The following ADGRV1 variants were observed in gnomAD, a reference collection of about 807,000 sequenced individuals.
ADGRV1 encodes the protein adhesion G protein-coupled receptor V1, also known as G-protein coupled receptor 98.
In ADGRV1, 359 loss-of-function variants were observed where a neutral mutation model predicts 596.2. The observed-to-expected ratio is 0.60, with a 90% CI of 0.55 to 0.66. The LOEUF (loss-of-function observed/expected upper bound fraction) is 0.66. Ranked by LOEUF, ADGRV1 falls within the 30% of genes least tolerant of loss-of-function variation. ADGRV1 has a pLI of 0.00. For synonymous variants in ADGRV1, 2,681 were observed against 2,679.2 expected (o/e 1.00, Z -0.02); for missense variants, 7,274 against 7,575.6 (o/e 0.96, Z 1.48).
chr5:91,151,507 T>A (rs1002651850), intron 88 of ADGRV1, among the ~76,000 whole-genome samples: 6 of 152,208 alleles, frequency 3.9e-5, no homozygotes, highest in African/African-American at 1.2e-4. Flanking sequence ...CTAGTACGAT[T>A]TCTCTATCCC....
intron 45 of ADGRV1, 54 bp from the exon 46 acceptor site, chr5:90,724,778 A>C (rs1041405023): frequency 2.7e-6 from 4 of 1,468,716 alleles, no homozygotes; most frequent in Non-Finnish European, 3.8e-6. Context: ...AAATTAGAAT[A>C]GATAAGTTTT....
chr5:91,146,952 A>G (rs1056422835), intron 87 of ADGRV1, among the ~76,000 whole-genome samples: 4 of 152,190 alleles, frequency 2.6e-5, no homozygotes, highest in African/African-American at 9.7e-5. Context: ...TCTTGAGCTC[A>G]GGGATTCAAG....
At chr5:90,855,425 A>G (rs2150415754) in intron 81 of ADGRV1, among the ~76,000 whole-genome samples, 1 of 152,300 alleles carries the variant, frequency 6.6e-6, no homozygotes, top group Non-Finnish European at 1.5e-5. Flanking sequence ...AGTGCCTTCT[A>G]TTGAGCATGT....
intron 86 of ADGRV1, among the ~76,000 whole-genome samples, chr5:91,085,816 C>T (rs1283360595): frequency 6.6e-6 from 1 of 152,178 alleles, no homozygotes; most frequent in Admixed American, 6.5e-5. Flanking sequence ...AATGCCGCTG[C>T]TTTATCAAAT....
At chr5:90,845,189 CAACT>C (rs10557040) in intron 78 of ADGRV1, among the ~76,000 whole-genome samples, 36,956 of 151,808 alleles carry the variant, frequency 0.24, 5,453 homozygotes, top group Non-Finnish European at 0.35. Flanking sequence ...TCGTGGTCAC[CAACT>C]GTGTGCGAAC....
rs187877050 is a variant in ADGRV1, at chr5:90,642,966, G to A, written c.2478G>A (p.Thr826=). The change falls in exon 13 of 90, where the codon ACG becomes ACA. Residue 826 remains threonine (T), a synonymous_variant. Transcript: ENST00000405460. ...PRDSNEFYGN[T]GVLEFKPGER... is the part of the protein sequence containing the mutation. ...ATAGCAATGAATTCTATGGAAACAC[G>A]GGAGTACTAGAATTTAAACCTGGAG... 1.7e-5 allele frequency: 28 copies of A among 1,613,496 alleles called. No individual in the cohort carries two copies. Among genetic ancestry groups the A allele is most frequent in the Middle Eastern group, 1.6e-4 (1 of 6,062 alleles).
intron 9 of ADGRV1, 85 bp from the exon 10 acceptor site, chr5:90,635,029 C>G: frequency 1.3e-6 from 1 of 798,342 alleles, no homozygotes; most frequent in Non-Finnish European, 2.0e-6. Flanking sequence ...CCTACGCTTA[C>G]TTTGTCACCC....
rs775824420 is a variant in ADGRV1, at chr5:90,781,381, T to TTTG, written c.13083-38_13083-36dup. 16 of 1,377,902 alleles carry TTTG rather than the reference T, an allele frequency of 1.2e-5. No homozygotes were observed. In the East Asian group the frequency reaches 1.9e-4, roughly 17 times the overall value. 85.4% of individuals were successfully genotyped at this position (1,377,902 alleles called of 1,614,324 possible). A position where few individuals can be genotyped will look rare whatever the true frequency, so the allele number is the denominator to read the frequency against. On this transcript the variant is annotated intron_variant, in intron 64 of 89. Transcript: ENST00000405460. Reference sequence around the variant, plus strand: ...ATTCATGCTATGCAATTATGTATTTTTTGTTGTTGTTGTATTTTATTTTAT... The same window carrying TTTG: ...ATTCATGCTATGCAATTATGTATTTTTTGTTGTTGTTGTTGTATTTTATTTTAT...
chr5:90,635,057 T>A, intron 9 of ADGRV1, 57 bp from the exon 10 acceptor site: 1 of 1,203,842 alleles, frequency 8.3e-7, no homozygotes, highest in Non-Finnish European at 1.2e-6. Context: ...TTAAGCTTTT[T>A]TAAAAAATTT....
intron 50 of ADGRV1, among the ~76,000 whole-genome samples, chr5:90,737,793 C>T (rs922725763): frequency 3.3e-5 from 5 of 151,824 alleles, no homozygotes; most frequent in Admixed American, 3.3e-4. Flanking sequence ...TTTTCCATTC[C>T]TTCATTTTCA....
intron 85 of ADGRV1, among the ~76,000 whole-genome samples, chr5:91,045,575 C>T (rs1402589873): frequency 1.3e-5 from 2 of 152,068 alleles, no homozygotes; most frequent in Non-Finnish European, 2.9e-5. Flanking sequence ...AACCCACAGC[C>T]AACATAACAC....
Position 91,080,136 on chromosome 5 carries a change from CAG to C in ADGRV1, c.18310+7533_18310+7534del, listed in dbSNP as rs1332282375. 4.6e-5 allele frequency among the ~76,000 whole-genome samples: 7 copies of C among 152,154 alleles called. No homozygotes were observed. The South Asian group carries it at 8.3e-4, about 18-fold the overall frequency. On this transcript the variant is annotated intron_variant, in intron 86 of 89. Transcript: ENST00000405460. ...TACATAGAATGTGTAATGATCATGT[CAG>C]GGTATTTGGGATGTCCATCACCTTG...
chr5:90,802,955 T>TA, intron 71 of ADGRV1, 73 bp downstream of exon 71: 1 of 1,311,596 alleles, frequency 7.6e-7, no homozygotes, highest in East Asian at 2.6e-5. Flanking sequence ...CGGAGACTCT[T>TA]AGAGCTAGAA....
chr5:91,051,793 T>TA (rs1786357220), intron 85 of ADGRV1, among the ~76,000 whole-genome samples: 1 of 151,994 alleles, frequency 6.6e-6, no homozygotes, highest in Non-Finnish European at 1.5e-5. Context: ...ATTTTTGACT[T>TA]AAAATGGGGT....
chr5:90,767,030 T>G (rs575393406), intron 59 of ADGRV1, among the ~76,000 whole-genome samples: 11 of 152,134 alleles, frequency 7.2e-5, no homozygotes, highest in Admixed American at 3.9e-4. Flanking sequence ...AACTCCTAAG[T>G]CTTTTTCTGG....
intron 17 of ADGRV1, 58 bp from the exon 18 acceptor site, chr5:90,651,542 TATAA>T (rs1768624588): frequency 7.6e-7 from 1 of 1,311,886 alleles, no homozygotes; most frequent in African/African-American, 1.5e-5. Flanking sequence ...AATTTAAAAG[TATAA>T]ATTTTACAGC....
chr5:90,911,228 G>A (rs1772859064), intron 83 of ADGRV1, among the ~76,000 whole-genome samples: 1 of 152,052 alleles, frequency 6.6e-6, no homozygotes, highest in African/African-American at 2.4e-5. Flanking sequence ...AGGAAAAGGG[G>A]GTAGACAGCA....
At position 90,776,590 on chromosome 5, in the gene ADGRV1, G is replaced by T; in HGVS notation, c.12527+14G>T. The T allele has an allele frequency of 1.2e-6, 2 of 1,612,930 alleles. No homozygotes were observed. The highest frequency in any genetic ancestry group is 1.7e-6 in the Non-Finnish European group (2 of 1,179,226). ...CGCTATTATCAGGTAAGGACTTCAT[G>T]ATTTTTCTTTGCCTATATGGGGGTT... On this transcript the variant is annotated intron_variant, in intron 61 of 89. Transcript: ENST00000405460.
intron 83 of ADGRV1, among the ~76,000 whole-genome samples, chr5:90,948,859 A>G (rs1021215300): frequency 1.1e-4 from 17 of 152,250 alleles, no homozygotes; most frequent in African/African-American, 3.6e-4. Flanking sequence ...TCTACTGAAT[A>G]TGTATCACTT....
Sources: allele counts gnomAD v4.1 joint callset (sites outside exome capture counted in the v4.1 genomes callset), GRCh38; gene constraint gnomAD v4.1.1; transcripts MANE v1.5; gene names NCBI Gene and HGNC (gene_info 2026-07-23, HGNC 2026-07-21).